Variants in SLC4A4 observed in about 807,000 individuals in gnomAD.
The protein encoded by SLC4A4 is solute carrier family 4 member 4, also known as electrogenic sodium bicarbonate cotransporter 1.
A neutral mutation model predicts 111.5 loss-of-function variants in SLC4A4; 27 were observed. That is an observed-to-expected ratio of 0.24 (90% CI 0.18 to 0.33). SLC4A4 has a LOEUF of 0.33. SLC4A4 is among the 10% of genes least tolerant of loss of function. The pLI is 1.00. For missense variants in SLC4A4, 909 were observed against 1,315.5 expected, an observed-to-expected ratio of 0.69 and a Z score of 4.78; for synonymous variants, 443 against 463.4, an observed-to-expected ratio of 0.96 and a Z score of 0.57.
intron 2 of SLC4A4, among the ~76,000 whole-genome samples, chr4:71,248,273 A>G (rs1481864723): frequency 6.6e-6 from 1 of 152,012 alleles, no homozygotes; most frequent in Admixed American, 6.6e-5. Context: ...AAGGGAAGGG[A>G]GAAATAGGAT....
chr4:71,167,507 A>C (rs945738142), intron 2 of SLC4A4, among the ~76,000 whole-genome samples: 1 of 152,156 alleles, frequency 6.6e-6, no homozygotes. Context: ...GTGGAAGTGG[A>C]GATGTTAGGG....
intron 16 of SLC4A4, among the ~76,000 whole-genome samples, chr4:71,527,387 G>A (rs1578117673): frequency 6.6e-6 from 1 of 152,062 alleles, no homozygotes; most frequent in Non-Finnish European, 1.5e-5. Flanking sequence ...AAAGAAAGAA[G>A]AGTTGAGTAT....
chr4:71,203,820 A>G (rs2149005229), intron 1 of SLC4A4, among the ~76,000 whole-genome samples: 1 of 152,318 alleles, frequency 6.6e-6, no homozygotes, highest in East Asian at 1.9e-4. Context: ...GGGACACCTG[A>G]ATAAATGTTT....
At chr4:71,443,781 A>AAT (rs1014463428) in intron 8 of SLC4A4, among the ~76,000 whole-genome samples, 8 of 152,192 alleles carry the variant, frequency 5.3e-5, no homozygotes, top group African/African-American at 1.7e-4. Flanking sequence ...ACTGTAAGAT[A>AAT]ATATATATAT....
intron 3 of SLC4A4, among the ~76,000 whole-genome samples, chr4:71,285,623 G>C (rs1048519229): frequency 2.6e-5 from 4 of 152,120 alleles, no homozygotes; most frequent in African/African-American, 9.7e-5. Context: ...GGAGCACTGA[G>C]AAACCTGACT....
chr4:71,393,059 T>G (rs1343028108), intron 6 of SLC4A4, among the ~76,000 whole-genome samples: 1 of 152,016 alleles, frequency 6.6e-6, no homozygotes, highest in East Asian at 1.9e-4. Context: ...ACAGCCAACA[T>G]AATACTAACT....
chr4:71,408,391 A>G (rs1022225968), intron 7 of SLC4A4, among the ~76,000 whole-genome samples: 4 of 152,240 alleles, frequency 2.6e-5, no homozygotes, highest in Admixed American at 2.0e-4. Context: ...AAAATGTTAT[A>G]TAAATCTTCA....
chr4:71,066,551 A>C (rs1177543120), intron 1 of SLC4A4, among the ~76,000 whole-genome samples: 2 of 152,214 alleles, frequency 1.3e-5, no homozygotes. Context: ...CATACATAGC[A>C]GAAACAGTTC....
intron 3 of SLC4A4, among the ~76,000 whole-genome samples, chr4:71,274,583 A>G (rs930374589): frequency 6.6e-6 from 1 of 152,226 alleles, no homozygotes; most frequent in Non-Finnish European, 1.5e-5. Context: ...GTATCTTTAG[A>G]GGAGTTAGAA....
intron 6 of SLC4A4, among the ~76,000 whole-genome samples, chr4:71,379,262 C>G (rs992084270): frequency 6.6e-6 from 1 of 152,184 alleles, no homozygotes; most frequent in Admixed American, 6.5e-5. Context: ...CCTGAGTTCT[C>G]TAGCCTGTGG....
At chr4:71,158,280 A>G (rs774601010) in intron 2 of SLC4A4, among the ~76,000 whole-genome samples, 1 of 152,112 alleles carries the variant, frequency 6.6e-6, no homozygotes, top group Non-Finnish European at 1.5e-5. Context: ...TGTGACCTGA[A>G]TGAAAGGGCA....
chr4:71,361,353 T>G (rs1209619065), intron 6 of SLC4A4, among the ~76,000 whole-genome samples: 2 of 152,194 alleles, frequency 1.3e-5, no homozygotes, highest in Admixed American at 1.3e-4. Context: ...CAAGACGATT[T>G]TATGTTTTTA....
intron 7 of SLC4A4, among the ~76,000 whole-genome samples, chr4:71,398,333 A>G (rs1720026513): frequency 1.3e-5 from 2 of 151,660 alleles, no homozygotes; most frequent in Admixed American, 1.3e-4. Flanking sequence ...AATTGTTGTT[A>G]ACTTTTGGGG....
chr4:71,416,234 C>A (rs189840205), intron 7 of SLC4A4, among the ~76,000 whole-genome samples: 1 of 152,266 alleles, frequency 6.6e-6, no homozygotes, highest in Admixed American at 6.5e-5. Flanking sequence ...AGTTTCCCAT[C>A]ACCTGAGTGA....
At chr4:71,479,048 T>C (rs1440313122) in intron 14 of SLC4A4, among the ~76,000 whole-genome samples, 3 of 151,730 alleles carry the variant, frequency 2.0e-5, no homozygotes, top group Non-Finnish European at 3.0e-5. Flanking sequence ...AAAGAAACTT[T>C]GCTAAAAATA....
At chr4:71,249,514 T>C (rs1720910662) in intron 2 of SLC4A4, among the ~76,000 whole-genome samples, 1 of 152,148 alleles carries the variant, frequency 6.6e-6, no homozygotes, top group African/African-American at 2.4e-5. Context: ...TACCAGTAAA[T>C]TAGCAATGTT....
chr4:71,166,036 T>C (rs1209603445), intron 2 of SLC4A4, among the ~76,000 whole-genome samples: 1 of 152,100 alleles, frequency 6.6e-6, no homozygotes, highest in Non-Finnish European at 1.5e-5. Flanking sequence ...GTTTTGTCCA[T>C]AAAAAGAAAA....
At chr4:71,366,314 A>AG (rs1731300456) in intron 6 of SLC4A4, among the ~76,000 whole-genome samples, 4 of 50,006 alleles carry the variant, frequency 8.0e-5, no homozygotes, top group Middle Eastern at 0.011. Context: ...TTCTGGAGAT[A>AG]TTGTGTGTGT....
chr4:71,109,019 T>C (rs1283072095), intron 2 of SLC4A4, among the ~76,000 whole-genome samples: 1 of 152,196 alleles, frequency 6.6e-6, no homozygotes, highest in Admixed American at 6.5e-5. Context: ...ATTTTTTCTT[T>C]AAATGGGCTA....
Sources: allele counts gnomAD v4.1 joint callset (sites outside exome capture counted in the v4.1 genomes callset), GRCh38; gene constraint gnomAD v4.1.1; transcripts MANE v1.5; gene names NCBI Gene and HGNC (gene_info 2026-07-23, HGNC 2026-07-21).